CWH43: variants seen among roughly 807,000 people sequenced by gnomAD.
The protein encoded by CWH43 is PGAP2-interacting protein.
Under a neutral mutation model 85.7 loss-of-function variants are expected in CWH43, and 91 were observed. That is an observed-to-expected ratio of 1.06 (90% confidence interval 0.90 to 1.26). CWH43 has a LOEUF of 1.26. Among genes scored for constraint, CWH43 ranks in the 50% most tolerant of loss-of-function variants. The pLI is 0.00. For synonymous variants in CWH43, 323 were observed against 293.6 expected, an observed-to-expected ratio of 1.10 and a Z score of -1.02; for missense variants, 869 against 839.2, an observed-to-expected ratio of 1.04 and a Z score of -0.44.
intron 9 of CWH43, among the ~76,000 whole-genome samples, chr4:49,022,432 G>A (rs1783781802): frequency 6.6e-6 from 1 of 152,136 alleles, no homozygotes; most frequent in African/African-American, 2.4e-5. Flanking sequence ...TTTTTGATAT[G>A]CTGGTGGATT....
chr4:48,998,324 C>T (rs950763287), intron 5 of CWH43, 136 bp from the exon 6 acceptor site: 2 of 644,474 alleles, frequency 3.1e-6, no homozygotes, highest in Admixed American at 2.5e-5. Flanking sequence ...CCAGTGGGCT[C>T]TCATGATCTC....
chr4:49,007,466 A>G (rs1338330476), intron 8 of CWH43, 140 bp downstream of exon 8: 15 of 1,076,442 alleles, frequency 1.4e-5, no homozygotes, highest in East Asian at 1.2e-4. Flanking sequence ...GTTAATAGCT[A>G]TCTTCTCTAG....
intron 10 of CWH43, among the ~76,000 whole-genome samples, chr4:49,029,154 A>G (rs1784011637): frequency 6.6e-6 from 1 of 152,206 alleles, no homozygotes; most frequent in Non-Finnish European, 1.5e-5. Context: ...GTAGAAAAGG[A>G]AGACATAAGA....
In CWH43 at chr4:49,003,868, T is replaced by G. The variant is rs369031646; in HGVS notation, c.936T>G (p.Pro312=). The G allele has an allele frequency of 1.2e-6, 2 of 1,613,922 alleles. No homozygotes were observed. Among genetic ancestry groups the G allele is most frequent in the African/African-American group, 2.7e-5 (2 of 74,920 alleles). The part of the protein sequence containing the change: ...LGHLINSGTN[P]GKTMTIAMIF... ...ACCTTATTAACTCAGGGACAAACCCTGGGAAAACCATGACCATTGCCATGA... is the reference window on the plus strand; with the variant it reads ...ACCTTATTAACTCAGGGACAAACCCGGGGAAAACCATGACCATTGCCATGA... The change falls in exon 7 of 16, where the codon CCT becomes CCG. Residue 312 remains proline, a synonymous_variant. Coordinates refer to ENST00000226432, the MANE Select transcript of CWH43 (RefSeq NM_025087.3).
At chr4:49,054,563 T>C (rs1784895166) in intron 15 of CWH43, among the ~76,000 whole-genome samples, 1 of 152,152 alleles carries the variant, frequency 6.6e-6, no homozygotes, top group East Asian at 1.9e-4. Context: ...GGAATTTTGA[T>C]AAGGATTACA....
chr4:49,012,771 C>T (rs1783405714), intron 8 of CWH43, among the ~76,000 whole-genome samples: 1 of 152,196 alleles, frequency 6.6e-6, no homozygotes, highest in East Asian at 1.9e-4. Context: ...GAGGTCCACT[C>T]CAGACGTTTG....
intron 5 of CWH43, among the ~76,000 whole-genome samples, chr4:48,995,499 C>G (rs555449192): frequency 1.3e-5 from 2 of 152,348 alleles, no homozygotes; most frequent in South Asian, 4.1e-4. Context: ...GATATCTTTT[C>G]TCTCTTGTAG....
intron 13 of CWH43, among the ~76,000 whole-genome samples, chr4:49,042,606 G>A (rs1784498352): frequency 6.6e-6 from 1 of 152,154 alleles, no homozygotes; most frequent in South Asian, 2.1e-4. Context: ...TTGAAGCCAT[G>A]GAAGTGAGTG....
At chr4:49,061,462 C>G (rs2768948) in intron 15 of CWH43, among the ~76,000 whole-genome samples, 57,183 of 152,046 alleles carry the variant, frequency 0.38, 12,686 homozygotes, top group Non-Finnish European at 0.5. Flanking sequence ...GAAGTTCTGC[C>G]AAAATAGATT....
intron 9 of CWH43, among the ~76,000 whole-genome samples, chr4:49,026,150 C>T (rs891933726): frequency 7.9e-5 from 12 of 152,186 alleles, no homozygotes; most frequent in African/African-American, 2.9e-4. Context: ...AGCCACAGGC[C>T]TCACCCAGCT....
rs1212973999 is a variant in CWH43 at position 49,062,007 on chromosome 4, C to G, written c.*117C>G. 7.8e-6 allele frequency: 6 copies of G among 766,734 alleles called. No individual in the cohort carries two copies. In the East Asian group the frequency reaches 2.5e-4, roughly 32 times the overall value. The allele number at this position is 766,734 out of a possible 1,614,324, so 47.5% of individuals were successfully genotyped here. A position where few individuals can be genotyped will look rare whatever the true frequency, so the allele number is the denominator to read the frequency against. ...ACATGAAGAACCTCAACTTAAAAAA[C>G]ACATGGTATCTATGCAGTGGGAAAT... is the stretch of plus-strand genomic sequence containing the variant. On this transcript the variant is annotated 3_prime_UTR_variant, in exon 16 of 16. Coordinates refer to ENST00000226432, the MANE Select transcript of CWH43 (RefSeq NM_025087.3).
At chr4:49,032,811 T>G in intron 12 of CWH43, 96 bp downstream of exon 12, 1 of 1,451,522 alleles carries the variant, frequency 6.9e-7, no homozygotes, top group Non-Finnish European at 9.5e-7. Context: ...CTCATTTTCT[T>G]CTTTTTTACC....
In CWH43 at chr4:48,988,646, C is replaced by T. The variant is rs759818821; in HGVS notation, c.213C>T (p.Thr71=). Residue 71 remains threonine (T), a synonymous_variant, in exon 2 of 16, where the codon ACC becomes ACT. Transcript: ENST00000226432. ...WKLVNKKWML[T]LLRIITIGSI... is the part of the protein sequence containing the mutation. ...TGGTTAACAAGAAGTGGATGCTAAC[C>T]CTGCTGAGGATAATCACTATTGGTA... is the stretch of plus-strand genomic sequence containing the variant. 9 of 1,607,132 alleles carry T rather than the reference C, an allele frequency of 5.6e-6. No individual in the cohort carries two copies. The South Asian group carries it at 8.9e-5, about 16-fold the overall frequency.
At chr4:48,986,801 C>G (rs1349555905) in intron 1 of CWH43, 2 of 1,191,538 alleles carry the variant, frequency 1.7e-6, no homozygotes, top group African/African-American at 3.2e-5. Flanking sequence ...GTCCCCAAAG[C>G]CCCCCACCCG....
In CWH43 at chr4:49,050,782, T is replaced by C; in HGVS notation, c.1954T>C (p.Tyr652His). The C allele has an allele frequency of 1.2e-6, 2 of 1,612,214 alleles. No homozygotes were observed. Among genetic ancestry groups the C allele is most frequent in the Non-Finnish European group, 1.7e-6 (2 of 1,178,466 alleles). ...TAGGATCCCTGATGACCCCACTAAT[T>C]ATAGAGACAACCAGAAAGTGGTCAT... ...KFRIPDDPTN[Y>H]RDNQKVVIDH... is the part of the protein sequence containing the mutation. The change falls in exon 15 of 16, where the codon TAT becomes CAT. Residue 652 changes from tyrosine (Y) to histidine (H), a missense_variant. Physicochemically the swap from Tyr to His is moderately conservative, Grantham distance 83 (BLOSUM62 2). This residue lies in a region of CWH43 where 577 missense variants were observed against 513.1 expected (regional missense o/e 1.12). Coordinates refer to ENST00000226432, the MANE Select transcript of CWH43 (RefSeq NM_025087.3).
intron 4 of CWH43, among the ~76,000 whole-genome samples, chr4:48,993,702 A>T (rs1782724653): frequency 6.6e-6 from 1 of 152,178 alleles, no homozygotes; most frequent in Non-Finnish European, 1.5e-5. Context: ...CCAGGTTCCT[A>T]GGTTATCTTT....
chr4:48,996,857 T>A (rs564370402), intron 5 of CWH43, among the ~76,000 whole-genome samples: 1 of 152,336 alleles, frequency 6.6e-6, no homozygotes, highest in Non-Finnish European at 1.5e-5. Flanking sequence ...TATGTTAGAA[T>A]GAGACACTGA....
Position 49,028,225 on chromosome 4 carries a change from C to A in CWH43, c.1267-404C>A, listed in dbSNP as rs1004286981. ...CATACTTTTTTTTTAAATTTAAAAT[C>A]ATCTTTCTGAGATTCCTCCTTGTGG... On this transcript the variant is annotated intron_variant, in intron 9 of 15. Coordinates refer to ENST00000226432, the MANE Select transcript of CWH43 (RefSeq NM_025087.3). Among the ~76,000 whole-genome samples the A allele has an allele frequency of 5.9e-5, 9 of 151,920 alleles. No individual in the cohort carries two copies. In the Middle Eastern group the frequency reaches 0.01, roughly 172 times the overall value.
intron 13 of CWH43, among the ~76,000 whole-genome samples, chr4:49,041,397 G>C (rs1784457877): frequency 6.6e-6 from 1 of 152,090 alleles, no homozygotes; most frequent in African/African-American, 2.4e-5. Flanking sequence ...TCTTCCATTT[G>C]TTTGTATCCT....
Sources: gnomAD v4.1 joint callset for allele counts (sites outside exome capture counted in the v4.1 genomes callset) on GRCh38, gnomAD v4.1.1 for gene constraint, gnomAD v4.1.1 regional missense constraint, MANE v1.5 for transcripts, NCBI Gene and HGNC (gene_info 2026-07-23, HGNC 2026-07-21) for gene names.